Variants in SUPT4H1 observed in about 807,000 individuals in gnomAD.
SUPT4H1 encodes the protein SPT4 homolog, DSIF elongation factor subunit.
A neutral mutation model predicts 19.4 loss-of-function variants in SUPT4H1; 12 were observed. The observed-to-expected ratio is 0.62, with a 90% confidence interval of 0.40 to 1.00. The LOEUF (loss-of-function observed/expected upper bound fraction) is 1.00, where lower values mean the gene tolerates loss of function less well. Ranked by LOEUF, SUPT4H1 falls within the 50% of genes least tolerant of loss-of-function variation. The probability of loss-of-function intolerance (pLI) is 0.00; values close to 1 mark genes in which losing one functional copy is unlikely to be tolerated. For synonymous variants in SUPT4H1, 58 were observed against 56.3 expected (o/e 1.03, Z -0.14); for missense variants, 115 against 149.2 (o/e 0.77, Z 1.19).
intron 2 of SUPT4H1, among the ~76,000 whole-genome samples, chr17:58,350,260 T>A (rs1048364171): frequency 2.0e-5 from 3 of 151,272 alleles, no homozygotes; most frequent in South Asian, 4.2e-4. Flanking sequence ...ACTCCTGTAA[T>A]CCCAGCACTT....
intron 2 of SUPT4H1, among the ~76,000 whole-genome samples, chr17:58,350,836 C>CAAA (rs35040111): frequency 0.01 from 843 of 81,782 alleles, 4 homozygotes; most frequent in South Asian, 0.017. Context: ...AAAGTCTGTC[C>CAAA]AAAAAAAAAA....
chr17:58,346,379 G>T, intron 4 of SUPT4H1, 66 bp from the exon 5 acceptor site: 1 of 1,359,414 alleles, frequency 7.4e-7, no homozygotes, highest in Non-Finnish European at 1.1e-6. Flanking sequence ...CCACTCAGCT[G>T]CCACCTTGAG....
intron 2 of SUPT4H1, among the ~76,000 whole-genome samples, chr17:58,349,500 C>T (rs144358039): frequency 1.3e-5 from 2 of 152,166 alleles, no homozygotes; most frequent in African/African-American, 4.8e-5. Flanking sequence ...TTATGATGGG[C>T]TTATTAGGTT....
At chr17:58,350,629 A>G (rs1972465428) in intron 2 of SUPT4H1, among the ~76,000 whole-genome samples, 1 of 151,658 alleles carries the variant, frequency 6.6e-6, no homozygotes, top group Non-Finnish European at 1.5e-5. Flanking sequence ...TGAGGTCAGG[A>G]GTTTGAGACC....
intron 1 of SUPT4H1, 134 bp downstream of exon 1, chr17:58,351,933 C>A: frequency 2.2e-6 from 2 of 901,588 alleles, no homozygotes; most frequent in South Asian, 3.2e-5. Context: ...TGGCCTCCTT[C>A]GGCTTCTCAC....
chr17:58,351,462 T>C lies in SUPT4H1; in HGVS notation c.116A>G (p.Tyr39Cys). 1 of 1,614,024 alleles carries C rather than the reference T, an allele frequency of 6.2e-7. No individual in the cohort carries two copies. The highest frequency in any genetic ancestry group is 8.5e-7 in the Non-Finnish European group (1 of 1,179,958). ...EYDGCDNCDA[Y>C]LQMKGNREMV... ...CTCTCGGTTACCCTTCATTTGTAGATATGCATCACAATTGTCACAACCATC... is the reference window on the plus strand; with the variant it reads ...CTCTCGGTTACCCTTCATTTGTAGACATGCATCACAATTGTCACAACCATC... Residue 39 changes from tyrosine (Y) to cysteine (C), a missense_variant, in exon 2 of 5, where the codon TAT becomes TGT. By Grantham distance (194) the Tyr-to-Cys change is radical. Transcript: ENST00000225504.
intron 2 of SUPT4H1, 129 bp downstream of exon 2, chr17:58,351,273 A>C (rs1001463885): frequency 1.8e-5 from 10 of 571,222 alleles, no homozygotes; most frequent in African/African-American, 1.6e-4. Flanking sequence ...AAAAAAAAAA[A>C]ACCCACACAA....
chr17:58,350,038 T>G (rs1275270344), intron 2 of SUPT4H1, among the ~76,000 whole-genome samples: 5 of 152,206 alleles, frequency 3.3e-5, no homozygotes, highest in Non-Finnish European at 7.3e-5. Flanking sequence ...ATCCCAGCAC[T>G]TTGTGAGGCT....
At chr17:58,351,575 C>A in intron 1 of SUPT4H1, 67 bp from the exon 2 acceptor site, 1 of 1,120,946 alleles carries the variant, frequency 8.9e-7, no homozygotes, top group Non-Finnish European at 1.3e-6. Context: ...GAAAAAGTAG[C>A]TTTCTCAATA....
intron 1 of SUPT4H1, 69 bp downstream of exon 1, chr17:58,351,998 G>A: frequency 6.5e-7 from 1 of 1,526,782 alleles, no homozygotes; most frequent in Non-Finnish European, 9.1e-7. Context: ...CTGTCCCACA[G>A]CCCCATTCCG....
chr17:58,346,151 A>T lies in SUPT4H1; in HGVS notation c.*95T>A, dbSNP rs1972280075. 2 of 968,284 alleles carry T rather than the reference A, an allele frequency of 2.1e-6. No individual in the cohort carries two copies. The highest frequency in any genetic ancestry group is 3.3e-6 in the Non-Finnish European group (2 of 599,918). 60.0% of individuals were successfully genotyped at this position (968,284 alleles called of 1,614,324 possible). On this transcript the variant is annotated 3_prime_UTR_variant, in exon 5 of 5. Transcript: ENST00000225504. Reference sequence around the variant, plus strand: ...GTCAGCTGAGTCTGAATTGGAGGGTAGGAAGTATTTGAAGTTCTGTTCATT... The same window carrying T: ...GTCAGCTGAGTCTGAATTGGAGGGTTGGAAGTATTTGAAGTTCTGTTCATT...
chr17:58,346,435 G>A (rs932626049), intron 4 of SUPT4H1, 122 bp from the exon 5 acceptor site: 50 of 791,098 alleles, frequency 6.3e-5, no homozygotes, highest in South Asian at 8.6e-5. Flanking sequence ...CTTATCAATC[G>A]TCTGCTTGGC....
chr17:58,349,088 C>A (rs1441436301), intron 2 of SUPT4H1, among the ~76,000 whole-genome samples: 1 of 152,084 alleles, frequency 6.6e-6, no homozygotes, highest in Non-Finnish European at 1.5e-5. Context: ...GAAATTAGAA[C>A]CTTTGGGCAC....
Position 58,351,912 on chromosome 17 carries a change from G to T in SUPT4H1, c.69+155C>A, listed in dbSNP as rs1972539708. The T allele has an allele frequency of 2.9e-5, 21 of 736,398 alleles. No homozygotes were observed. In the South Asian group the frequency reaches 3.5e-4, roughly 12 times the overall value. The allele number at this position is 736,398 out of a possible 1,614,324, so 45.6% of individuals were successfully genotyped here. On this transcript the variant is annotated intron_variant, in intron 1 of 4. Coordinates refer to ENST00000225504, the MANE Select transcript of SUPT4H1 (RefSeq NM_003168.3). ...CTGCAAGACCTGTCCGCGATCCTAC[G>T]AGGTAAACGATGGCCTCCTTCGGCT...
intron 1 of SUPT4H1, 77 bp downstream of exon 1, chr17:58,351,990 G>T: frequency 6.7e-7 from 1 of 1,494,014 alleles, no homozygotes; most frequent in Non-Finnish European, 9.3e-7. Context: ...TCTCTTTACT[G>T]TCCCACAGCC....
Position 58,345,425 on chromosome 17 carries a change from A to C in SUPT4H1, c.*821T>G, listed in dbSNP as rs1972248838. 1 of 152,124 alleles carries C rather than the reference A, an allele frequency of 6.6e-6. No homozygotes were observed. Among genetic ancestry groups the C allele is most frequent in the Admixed American group, 6.5e-5 (1 of 15,276 alleles). The allele number at this position is 152,124 out of a possible 1,614,324, so 9.4% of individuals were successfully genotyped here. On this transcript the variant is annotated 3_prime_UTR_variant, in exon 5 of 5. Transcript: ENST00000225504. Reference sequence around the variant, plus strand: ...TGGCCGAAAAATGGGATGTTACCCAAGGTCCCCTACTAGGCCGGAGGAGAA... The same window carrying C: ...TGGCCGAAAAATGGGATGTTACCCACGGTCCCCTACTAGGCCGGAGGAGAA...
intron 2 of SUPT4H1, among the ~76,000 whole-genome samples, chr17:58,349,139 T>G (rs548218793): frequency 1.3e-5 from 2 of 152,374 alleles, no homozygotes; most frequent in East Asian, 3.9e-4. Context: ...CTAAACAGTA[T>G]GACAGTTCCT....
intron 2 of SUPT4H1, among the ~76,000 whole-genome samples, chr17:58,349,332 C>G (rs1260390542): frequency 6.6e-6 from 1 of 152,236 alleles, no homozygotes; most frequent in Non-Finnish European, 1.5e-5. Flanking sequence ...GCTAGCAATT[C>G]AGTACAATAT....
chr17:58,347,380 A>C (rs1381342018), intron 3 of SUPT4H1, 139 bp from the exon 4 acceptor site: 8 of 1,326,828 alleles, frequency 6.0e-6, no homozygotes, highest in Non-Finnish European at 8.7e-6. Flanking sequence ...TTAAATGACA[A>C]GGCACAGGAC....
Sources: gnomAD v4.1 joint callset for allele counts (sites outside exome capture counted in the v4.1 genomes callset) on GRCh38, gnomAD v4.1.1 for gene constraint, MANE v1.5 for transcripts, NCBI Gene and HGNC (gene_info 2026-07-23, HGNC 2026-07-21) for gene names.